PCDHA2: variants seen among roughly 807,000 people sequenced by gnomAD.
PCDHA2 encodes the protein protocadherin alpha 2.
In PCDHA2, 58 loss-of-function variants were observed where a neutral mutation model predicts 66.0. That is an observed-to-expected ratio of 0.88 (90% CI 0.71 to 1.09). The LOEUF is 1.09. Ranked by LOEUF, PCDHA2 falls within the 50% of genes least tolerant of loss-of-function variation. The pLI is 0.00. For synonymous variants in PCDHA2, 634 were observed against 554.0 expected (o/e 1.14, Z -2.03); for missense variants, 1,267 against 1,242.3 (o/e 1.02, Z -0.30).
intron 1 of PCDHA2, chr5:140,850,860 C>T (rs2150500728): frequency 6.3e-7 from 1 of 1,593,350 alleles, no homozygotes; most frequent in Non-Finnish European, 8.6e-7. Flanking sequence ...AACGGGAGAA[C>T]CCTCTGCTTC....
intron 1 of PCDHA2, among the ~76,000 whole-genome samples, chr5:140,920,594 C>G (rs1347372573): frequency 1.3e-5 from 2 of 152,176 alleles, no homozygotes; most frequent in Admixed American, 1.3e-4. Flanking sequence ...GCCTGTAATC[C>G]CAGCACTTTG....
intron 1 of PCDHA2, among the ~76,000 whole-genome samples, chr5:140,956,920 T>C (rs2095320734): frequency 1.3e-5 from 2 of 152,120 alleles, no homozygotes; most frequent in Non-Finnish European, 2.9e-5. Flanking sequence ...ACTTTAATCT[T>C]GCTGGATATA....
At chr5:140,858,839 C>T (rs1306924023) in intron 1 of PCDHA2, 1 of 317,040 alleles carries the variant, frequency 3.2e-6, no homozygotes, top group Non-Finnish European at 5.9e-6. Context: ...CCAAAAAATT[C>T]CACTGATCTA....
chr5:140,877,647 G>A, intron 1 of PCDHA2: 2 of 1,613,510 alleles, frequency 1.2e-6, no homozygotes, highest in South Asian at 1.1e-5. Flanking sequence ...GTTGCTCAGC[G>A]CCGCCCACCG....
At chr5:141,001,451 A>T (rs2098018648) in intron 3 of PCDHA2, among the ~76,000 whole-genome samples, 1 of 152,310 alleles carries the variant, frequency 6.6e-6, no homozygotes, top group African/African-American at 2.4e-5. Flanking sequence ...TTCCACTGTC[A>T]ATTGAAGGAC....
In PCDHA2 at chr5:140,843,257, C is replaced by G. The variant is rs146582216; in HGVS notation, c.2388+45905C>G. 40 of 1,595,938 alleles carry G rather than the reference C, an allele frequency of 2.5e-5. 2 individuals carry two copies. The highest frequency in any genetic ancestry group is 3.2e-5 in the Non-Finnish European group (37 of 1,165,610). On this transcript the variant is annotated intron_variant, in intron 1 of 3. Coordinates refer to ENST00000526136, the MANE Select transcript of PCDHA2 (RefSeq NM_018905.3). The stretch of plus-strand genomic sequence containing the variant: ...GGACGAAGCGGACTCTCCGCGCCAC[C>G]GTCTGCTGGTCCTGGTGAAGGATCA...
At chr5:140,882,944 G>A (rs2059374287) in intron 1 of PCDHA2, 2 of 1,614,088 alleles carry the variant, frequency 1.2e-6, no homozygotes, top group Non-Finnish European at 8.5e-7. Flanking sequence ...GACTGGCACA[G>A]TTCAGCTGCT....
Position 140,796,800 on chromosome 5 carries a change from G to A in PCDHA2, c.1836G>A (p.Gln612=). The part of the protein sequence containing the change: ...GYNAWLSYEL[Q]LGTGSARIPF... ...ACGCGTGGCTTTCGTACGAGCTTCA[G>A]CTGGGTACTGGCAGCGCTCGCATCC... The change falls in exon 1 of 4, where the codon CAG becomes CAA. Residue 612 remains glutamine, a synonymous_variant. Coordinates refer to ENST00000526136, the MANE Select transcript of PCDHA2 (RefSeq NM_018905.3). 1 of 1,614,144 alleles carries A rather than the reference G, an allele frequency of 6.2e-7. No homozygotes were observed. Among genetic ancestry groups the A allele is most frequent in the South Asian group, 1.1e-5 (1 of 91,092 alleles).
chr5:140,870,469 C>T, intron 1 of PCDHA2: 1 of 1,614,246 alleles, frequency 6.2e-7, no homozygotes. Context: ...TGCGTTCGCA[C>T]AGCCCGAGTA....
chr5:140,900,518 C>G (rs1444768233), intron 1 of PCDHA2, among the ~76,000 whole-genome samples: 1 of 152,228 alleles, frequency 6.6e-6, no homozygotes, highest in Admixed American at 6.5e-5. Flanking sequence ...CTCAGGTGAT[C>G]TGCCCACCTC....
At chr5:140,809,042 C>T (rs782283778) in intron 1 of PCDHA2, 2 of 1,613,852 alleles carry the variant, frequency 1.2e-6, no homozygotes, top group Non-Finnish European at 1.7e-6. Flanking sequence ...TGGTGGCGCG[C>T]GCATCCCGTT....
In PCDHA2 at chr5:140,882,900, T is replaced by C. The variant is rs151159619; in HGVS notation, c.2388+85548T>C. 8.7e-6 allele frequency: 14 copies of C among 1,614,106 alleles called. No individual in the cohort carries two copies. In the African/African-American group the frequency reaches 1.2e-4, roughly 14 times the overall value. The stretch of plus-strand genomic sequence containing the variant: ...GAGGAAATTCAGGAACATAGTTTAT[T>C]ACTGACAGCCAGTGATGGAGGTAAA... On this transcript the variant is annotated intron_variant, in intron 1 of 3. Transcript: ENST00000526136.
chr5:140,941,285 T>C (rs1563188656), intron 1 of PCDHA2, among the ~76,000 whole-genome samples: 1 of 119,964 alleles, frequency 8.3e-6, no homozygotes, highest in African/African-American at 2.9e-5. Flanking sequence ...TTCCTTCCTT[T>C]CTCTTTCTTT....
At chr5:140,885,291 G>A (rs1554182107) in intron 1 of PCDHA2, among the ~76,000 whole-genome samples, 6 of 152,132 alleles carry the variant, frequency 3.9e-5, no homozygotes, top group Non-Finnish European at 8.8e-5. Context: ...TATATAGAGA[G>A]AGACCTGGTA....
In PCDHA2 at chr5:140,982,572, C is replaced by T; in HGVS notation, c.2536+9C>T. On this transcript the variant is annotated intron_variant, in intron 3 of 3. Coordinates refer to ENST00000526136, the MANE Select transcript of PCDHA2 (RefSeq NM_018905.3). ...ATCCAGTGCAACACCAGGTAAAGAG[C>T]TGGGGTCTCTCCATTCTTTCTTGGT... is the stretch of plus-strand genomic sequence containing the variant. 4 of 1,613,760 alleles carry T rather than the reference C, an allele frequency of 2.5e-6. No homozygotes were observed. Among genetic ancestry groups the T allele is most frequent in the Non-Finnish European group, 3.4e-6 (4 of 1,179,726 alleles).
At chr5:140,917,587 C>T (rs2078270380) in intron 1 of PCDHA2, among the ~76,000 whole-genome samples, 1 of 152,164 alleles carries the variant, frequency 6.6e-6, no homozygotes, top group Non-Finnish European at 1.5e-5. Context: ...TTTGTTCATG[C>T]TGAAAGGAAG....
chr5:140,835,790 G>T (rs1203887296), intron 1 of PCDHA2: 1 of 1,613,158 alleles, frequency 6.2e-7, no homozygotes, highest in South Asian at 1.1e-5. Flanking sequence ...AGAACAACCC[G>T]CCGGGCTGCC....
Position 141,009,722 on chromosome 5 carries a change from G to A in PCDHA2, c.2632G>A (p.Gly878Ser), listed in dbSNP as rs552954748. ...KYGPGNPKQSGPGELPDKFII... is the reference protein window; with the variant it reads ...KYGPGNPKQSSPGELPDKFII... ...CGGACCAGGCAACCCCAAACAATCC[G>A]GTCCCGGTGAGTTGCCCGACAAATT... The change falls in exon 4 of 4, where the codon GGT (glycine) becomes AGT (serine). Residue 878 changes from glycine (G) to serine (S), a missense_variant. Gly to Ser is a moderately conservative substitution (Grantham distance 56). Transcript: ENST00000526136. 5.2e-5 allele frequency: 84 copies of A among 1,614,140 alleles called. No homozygotes were observed. The South Asian group carries it at 6.7e-4, about 13-fold the overall frequency.
intron 1 of PCDHA2, among the ~76,000 whole-genome samples, chr5:140,826,351 C>T (rs1284883588): frequency 6.6e-6 from 1 of 151,972 alleles, no homozygotes; most frequent in Non-Finnish European, 1.5e-5. Flanking sequence ...CCTTTGTTTG[C>T]CCAAAATAAC....
Sources: allele counts gnomAD v4.1 joint callset (sites outside exome capture counted in the v4.1 genomes callset), GRCh38; gene constraint gnomAD v4.1.1; transcripts MANE v1.5; gene names NCBI Gene and HGNC (gene_info 2026-07-23, HGNC 2026-07-21).